The following RORB variants were observed in gnomAD, a reference collection of about 807,000 sequenced individuals.
RORB encodes RAR related orphan receptor B.
RORB carries 6 observed loss-of-function variants against 59.1 expected under a neutral mutation model. The ratio of observed to expected loss-of-function variants is 0.10; its 90% CI spans 0.06 to 0.20. RORB has a LOEUF of 0.20. Among genes scored for constraint, RORB ranks in the 10% least tolerant of loss-of-function variants. The probability of loss-of-function intolerance (pLI) is 1.00; values close to 1 mark genes in which losing one functional copy is unlikely to be tolerated. For synonymous variants in RORB, 215 were observed against 204.5 expected, an observed-to-expected ratio of 1.05 and a Z score of -0.44; for missense variants, 320 against 560.5, an observed-to-expected ratio of 0.57 and a Z score of 4.33.
chr9:74,510,446 C>T (rs1825921604), intron 1 of RORB, among the ~76,000 whole-genome samples: 1 of 152,138 alleles, frequency 6.6e-6, no homozygotes, highest in African/African-American at 2.4e-5. Flanking sequence ...AAGGAAAATT[C>T]TGAAAACATT....
intron 1 of RORB, among the ~76,000 whole-genome samples, chr9:74,605,804 T>A (rs1490810153): frequency 6.6e-6 from 1 of 152,186 alleles, no homozygotes; most frequent in Non-Finnish European, 1.5e-5. Flanking sequence ...ACATTATTAA[T>A]TATGTAATAT....
intron 1 of RORB, among the ~76,000 whole-genome samples, chr9:74,596,905 C>A (rs1008724823): frequency 3.9e-5 from 6 of 152,198 alleles, no homozygotes; most frequent in Non-Finnish European, 7.3e-5. Context: ...TTAGAGAGTG[C>A]AGATATAAAA....
intron 4 of RORB, among the ~76,000 whole-genome samples, chr9:74,658,652 A>G (rs1024158964): frequency 6.6e-6 from 1 of 152,224 alleles, no homozygotes; most frequent in Non-Finnish European, 1.5e-5. Flanking sequence ...CTATAAAGCT[A>G]TAAAATCTTT....
At chr9:74,602,376 A>G (rs1006899479) in intron 1 of RORB, among the ~76,000 whole-genome samples, 2 of 152,224 alleles carry the variant, frequency 1.3e-5, no homozygotes, top group African/African-American at 4.8e-5. Context: ...AATAAATGTT[A>G]AAGATGCATG....
At chr9:74,627,196 G>A (rs929098566) in intron 1 of RORB, among the ~76,000 whole-genome samples, 1 of 151,082 alleles carries the variant, frequency 6.6e-6, no homozygotes, top group Non-Finnish European at 1.5e-5. Flanking sequence ...TAAAGCTGCA[G>A]CTCAGAAGCA....
At chr9:74,557,758 G>C (rs1232721497) in intron 1 of RORB, among the ~76,000 whole-genome samples, 1 of 151,976 alleles carries the variant, frequency 6.6e-6, no homozygotes, top group Non-Finnish European at 1.5e-5. Context: ...AAACTTATTA[G>C]GGCCTCAGCA....
At chr9:74,642,089 T>C (rs995112129) in intron 3 of RORB, among the ~76,000 whole-genome samples, 3 of 152,160 alleles carry the variant, frequency 2.0e-5, no homozygotes, top group African/African-American at 7.2e-5. Flanking sequence ...GGTATTTTGG[T>C]TTTTTGCATT....
At chr9:74,516,471 A>G (rs1490573586) in intron 1 of RORB, among the ~76,000 whole-genome samples, 4 of 152,028 alleles carry the variant, frequency 2.6e-5, no homozygotes, top group Non-Finnish European at 5.9e-5. Flanking sequence ...GAATTGAGAG[A>G]TGCTGAAATG....
chr9:74,657,056 T>C lies in RORB; in HGVS notation c.638-3561T>C, dbSNP rs376728015. ...ACTGGTCTAGACTCACTTGGTCTTT[T>C]CTTTTTTTGAGACGGAGTCACGCTC... On this transcript the variant is annotated intron_variant, in intron 4 of 9. Transcript: ENST00000376896. Among the ~76,000 whole-genome samples the C allele has an allele frequency of 5.9e-5, 9 of 152,238 alleles. No individual in the cohort carries two copies. In the East Asian group the frequency reaches 1.6e-3, roughly 26 times the overall value.
intron 1 of RORB, among the ~76,000 whole-genome samples, chr9:74,576,231 T>C (rs957823797): frequency 5.3e-5 from 8 of 152,132 alleles, no homozygotes; most frequent in Non-Finnish European, 7.4e-5. Flanking sequence ...AGAGGCTATG[T>C]TCTCAAGATG....
chr9:74,622,482 C>A (rs888565914), intron 1 of RORB, among the ~76,000 whole-genome samples: 1 of 141,220 alleles, frequency 7.1e-6, no homozygotes, highest in East Asian at 2.1e-4. Context: ...GAAATGTTAT[C>A]GTGTATATGA....
chr9:74,642,401 C>A lies in RORB; in HGVS notation c.236-13C>A. ...ACCACAAGTGCTGTTTTCTGCTTTT[C>A]TCTCCAACCCAGCTGTGAAGTTTGG... is the stretch of plus-strand genomic sequence containing the variant. On this transcript the variant is annotated splice_polypyrimidine_tract_variant and intron_variant, in intron 3 of 9. Transcript: ENST00000376896. 1 of 1,591,798 alleles carries A rather than the reference C, an allele frequency of 6.3e-7. No homozygotes were observed. Among genetic ancestry groups the A allele is most frequent in the Non-Finnish European group, 8.6e-7 (1 of 1,168,264 alleles).
At chr9:74,557,618 T>C (rs1193208360) in intron 1 of RORB, among the ~76,000 whole-genome samples, 1 of 152,168 alleles carries the variant, frequency 6.6e-6, no homozygotes, top group African/African-American at 2.4e-5. Flanking sequence ...TGATTTGGAC[T>C]AAGGAAATGG....
chr9:74,578,969 G>A (rs1216286454), intron 1 of RORB, among the ~76,000 whole-genome samples: 1 of 152,026 alleles, frequency 6.6e-6, no homozygotes, highest in African/African-American at 2.4e-5. Flanking sequence ...GAAAAGAGAG[G>A]ACTCACTGAC....
At chr9:74,594,738 C>T (rs1017367567) in intron 1 of RORB, among the ~76,000 whole-genome samples, 6 of 151,998 alleles carry the variant, frequency 3.9e-5, no homozygotes, top group Non-Finnish European at 8.8e-5. Flanking sequence ...CACACACATG[C>T]ACACAAACAC....
intron 7 of RORB, among the ~76,000 whole-genome samples, chr9:74,665,988 A>C (rs781522658): frequency 9.9e-5 from 15 of 152,196 alleles, no homozygotes; most frequent in Non-Finnish European, 1.9e-4. Flanking sequence ...CAAAAAGTAC[A>C]AAAATTAGCT....
At chr9:74,674,101 G>A (rs1242381162) in intron 9 of RORB, among the ~76,000 whole-genome samples, 1 of 152,074 alleles carries the variant, frequency 6.6e-6, no homozygotes, top group African/African-American at 2.4e-5. Context: ...TAACACTCCG[G>A]ACAAATGTGC....
At chr9:74,679,491 T>A (rs1009397863) in intron 9 of RORB, among the ~76,000 whole-genome samples, 5 of 151,986 alleles carry the variant, frequency 3.3e-5, no homozygotes, top group African/African-American at 1.2e-4. Flanking sequence ...GTTCAACAGA[T>A]CCCCCAAGTT....
intron 4 of RORB, among the ~76,000 whole-genome samples, chr9:74,659,798 T>A (rs1054501346): frequency 1.3e-5 from 2 of 152,152 alleles, no homozygotes; most frequent in African/African-American, 4.8e-5. Flanking sequence ...AAACCCAAAA[T>A]GATTGGTATT....
Sources: gnomAD v4.1 joint callset for allele counts (sites outside exome capture counted in the v4.1 genomes callset) on GRCh38, gnomAD v4.1.1 for gene constraint, MANE v1.5 for transcripts, NCBI Gene and HGNC (gene_info 2026-07-23, HGNC 2026-07-21) for gene names.